OR51I1: variants seen among roughly 807,000 people sequenced by gnomAD.
OR51I1 encodes the protein olfactory receptor family 51 subfamily I member 1.
OR51I1 carries 5 observed loss-of-function variants against 6.9 expected under a neutral mutation model. That is an observed-to-expected ratio of 0.73 (90% confidence interval 0.38 to 1.52). The LOEUF is 1.52. Among genes scored for constraint, OR51I1 ranks in the 40% most tolerant of loss-of-function variants. OR51I1 has a pLI of 0.03. For synonymous variants in OR51I1, 183 were observed against 140.3 expected, an observed-to-expected ratio of 1.30 and a Z score of -2.15; for missense variants, 465 against 388.5, an observed-to-expected ratio of 1.20 and a Z score of -1.66.
Position 5,441,370 on chromosome 11 carries a change from T to A in OR51I1, c.145A>T (p.Thr49Ser), listed in dbSNP as rs138065841. The change falls in exon 1 of 1, where the codon ACT (threonine) becomes TCT (serine). Residue 49 changes from threonine to serine, a missense_variant. By Grantham distance (58) the Thr-to-Ser change is moderately conservative. Transcript: ENST00000380211. ...AGAGCAGGCTCCCAAAACACCAGAG[T>A]GAGAATGCTGAGGTTACCTACAATG... ...ISIVGNLSIL[T>S]LVFWEPALHQ... is the part of the protein sequence containing the mutation. 51 of 1,613,302 alleles carry A rather than the reference T, an allele frequency of 3.2e-5. No individual in the cohort carries two copies. The highest frequency in any genetic ancestry group is 4.2e-5 in the Non-Finnish European group (50 of 1,179,752).
rs1850678956 is a variant in OR51I1 at position 5,441,031 on chromosome 11, G to A, written c.484C>T (p.Pro162Ser). 2.5e-6 allele frequency: 4 copies of A among 1,613,934 alleles called. No individual in the cohort carries two copies. The highest frequency in any genetic ancestry group is 2.5e-6 in the Non-Finnish European group (3 of 1,179,904). Residue 162 changes from proline (P) to serine (S), a missense_variant, in exon 1 of 1, where the codon CCT becomes TCT. Coordinates refer to ENST00000380211, the MANE Select transcript of OR51I1 (RefSeq NM_001005288.3). ...TKSFTTLFPF[P>S]FVVKRLPFCK... ...AAGGGCAGTCGTTTCACCACAAAAG[G>A]GAAAGGGAAGAGAGTGGTGAAACTC...
rs149246890 is a variant in OR51I1, at chr11:5,441,465, G to A, written c.50C>T (p.Thr17Ile). 14 of 1,613,516 alleles carry A rather than the reference G, an allele frequency of 8.7e-6. No individual in the cohort carries two copies. Among genetic ancestry groups the A allele is most frequent in the Non-Finnish European group, 1.2e-5 (14 of 1,179,850 alleles). The stretch of plus-strand genomic sequence containing the variant: ...GCCTGTTTGTATCCCAGGAATGCCT[G>A]TCAGCTGGAGTGTTGCTGGCTGGAA... ...TPFQPATLQL[T>I]GIPGIQTGLT... The change falls in exon 1 of 1, where the codon ACA (threonine) becomes ATA (isoleucine). Residue 17 changes from threonine to isoleucine, a missense_variant. Physicochemically the swap from Thr to Ile is moderately conservative, Grantham distance 89. Transcript: ENST00000380211.
At position 5,440,843 on chromosome 11, in the gene OR51I1, C is replaced by T. The variant is rs758413225; in HGVS notation, c.672G>A (p.Leu224=). 2.1e-5 allele frequency: 34 copies of T among 1,613,692 alleles called. No individual in the cohort carries two copies. The highest frequency in any genetic ancestry group is 2.7e-5 in the African/African-American group (2 of 74,906). Residue 224 remains leucine (L), a synonymous_variant, in exon 1 of 1, where the codon CTG becomes CTA. Transcript: ENST00000380211. The part of the protein sequence containing the change: ...TFILLSYALI[L]RAMLVIISQE... ...GGGATATGATGACCAGCATGGCTCT[C>T]AGGATCAATGCGTAGGAAAGCAGGA... is the stretch of plus-strand genomic sequence containing the variant.
Position 5,440,916 on chromosome 11 carries a change from T to C in OR51I1, c.599A>G (p.Tyr200Cys). Reference sequence around the variant, plus strand: ...GGTAAAAATGATCACCAAGAGCCCATAAATGTTGTTAACATGGATGTCTCC... The same window carrying C: ...GGTAAAAATGATCACCAAGAGCCCACAAATGTTGTTAACATGGATGTCTCC... ...ACGDIHVNNIYGLLVIIFTYG... is the reference protein window; with the variant it reads ...ACGDIHVNNICGLLVIIFTYG... The change falls in exon 1 of 1, where the codon TAT becomes TGT. Residue 200 changes from tyrosine to cysteine, a missense_variant. Coordinates refer to ENST00000380211, the MANE Select transcript of OR51I1 (RefSeq NM_001005288.3). 1 of 1,613,824 alleles carries C rather than the reference T, an allele frequency of 6.2e-7. No homozygotes were observed. The highest frequency in any genetic ancestry group is 8.5e-7 in the Non-Finnish European group (1 of 1,179,906).
At position 5,440,866 on chromosome 11, in the gene OR51I1, G is replaced by A; in HGVS notation, c.649C>T (p.Leu217=). Residue 217 remains leucine (L), a synonymous_variant, in exon 1 of 1, where the codon CTG becomes TTG. Coordinates refer to ENST00000380211, the MANE Select transcript of OR51I1 (RefSeq NM_001005288.3). ...CTCAGGATCAATGCGTAGGAAAGCA[G>A]GATGAAAGTTGAGTCCATACCATAG... The part of the protein sequence containing the change: ...FTYGMDSTFI[L]LSYALILRAM... The A allele has an allele frequency of 1.9e-6, 3 of 1,613,804 alleles. No individual in the cohort carries two copies. The highest frequency in any genetic ancestry group is 2.5e-6 in the Non-Finnish European group (3 of 1,179,908).
rs200872309 is a variant in OR51I1, at chr11:5,440,965, G to A, written c.550C>T (p.Pro184Ser). Residue 184 changes from proline (P) to serine (S), a missense_variant, in exon 1 of 1, where the codon CCA (proline) becomes TCA (serine). Coordinates refer to ENST00000380211, the MANE Select transcript of OR51I1 (RefSeq NM_001005288.3). ...NVLHHSYCLHPDLMKVACGDI... is the reference protein window; with the variant it reads ...NVLHHSYCLHSDLMKVACGDI... The stretch of plus-strand genomic sequence containing the variant: ...CCACATGCTACTTTCATGAGATCTG[G>A]ATGGAGACAGTAGGAGTGATGCAAA... 2 of 1,613,842 alleles carry A rather than the reference G, an allele frequency of 1.2e-6. No individual in the cohort carries two copies. The highest frequency in any genetic ancestry group is 2.7e-5 in the African/African-American group (2 of 74,914).
rs766969914 is a variant in OR51I1 at position 5,441,177 on chromosome 11, T to A, written c.338A>T (p.Glu113Val). ...GCTCATGGCCAGCAGTATGCCTGAC[T>A]CCATGAAGGAGAAAGTGTGGATGAA... The part of the protein sequence containing the change: ...MFFIHTFSFM[E>V]SGILLAMSLD... Residue 113 changes from glutamate (E) to valine (V), a missense_variant, in exon 1 of 1, where the codon GAG becomes GTG. Transcript: ENST00000380211. 1.9e-6 allele frequency: 3 copies of A among 1,613,800 alleles called. No individual in the cohort carries two copies. The highest frequency in any genetic ancestry group is 4.5e-5 in the East Asian group (2 of 44,880).
At position 5,440,590 on chromosome 11, in the gene OR51I1, A is replaced by C. The variant is rs199606552; in HGVS notation, c.925T>G (p.Phe309Val). The change falls in exon 1 of 1, where the codon TTC becomes GTC. Residue 309 changes from phenylalanine (F) to valine (V), a missense_variant. Phe to Val is a conservative substitution (Grantham distance 50, BLOSUM62 -1). Coordinates refer to ENST00000380211, the MANE Select transcript of OR51I1 (RefSeq NM_001005288.3). ...CTTCCTCAGGCCTGGGATTTATGGA[A>C]GAACTTGAGAATCCCTTTGCGGATC... ...KEIRKGILKFFHKSQA is the reference protein window; with the variant it reads ...KEIRKGILKFVHKSQA 2.0e-5 allele frequency: 32 copies of C among 1,612,868 alleles called. No homozygotes were observed. The South Asian group carries it at 2.5e-4, about 13-fold the overall frequency.
chr11:5,441,507 C>A lies in OR51I1; in HGVS notation c.8G>T (p.Gly3Val), dbSNP rs141696927. Reference protein sequence around the residue: MLGLNGTPFQPAT... With the variant: MLVLNGTPFQPAT... ...TGGCTGGAAGGGGGTGCCATTGAGACCCAGCATGGTGGGAGAATATAGATA... is the reference window on the plus strand; with the variant it reads ...TGGCTGGAAGGGGGTGCCATTGAGAACCAGCATGGTGGGAGAATATAGATA... Residue 3 changes from glycine to valine, a missense_variant, in exon 1 of 1, where the codon GGT becomes GTT. Gly to Val is a moderately radical substitution (Grantham distance 109). Transcript: ENST00000380211. 15 of 1,610,216 alleles carry A rather than the reference C, an allele frequency of 9.3e-6. No homozygotes were observed. The African/African-American group carries it at 2.0e-4, about 22-fold the overall frequency.
In OR51I1 at chr11:5,440,965, G is replaced by C. The variant is rs200872309; in HGVS notation, c.550C>G (p.Pro184Ala). 3.9e-4 allele frequency: 634 copies of C among 1,613,960 alleles called. No individual in the cohort carries two copies. Among genetic ancestry groups the C allele is most frequent in the Non-Finnish European group, 3.9e-4 (465 of 1,179,958 alleles). Residue 184 changes from proline (P) to alanine (A), a missense_variant, in exon 1 of 1, where the codon CCA becomes GCA. Pro to Ala is a conservative substitution (Grantham distance 27, BLOSUM62 -1). Transcript: ENST00000380211. ...NVLHHSYCLH[P>A]DLMKVACGDI... ...CCACATGCTACTTTCATGAGATCTG[G>C]ATGGAGACAGTAGGAGTGATGCAAA...
At position 5,440,983 on chromosome 11, in the gene OR51I1, G is replaced by A; in HGVS notation, c.532C>T (p.His178Tyr). 1 of 1,614,002 alleles carries A rather than the reference G, an allele frequency of 6.2e-7. No individual in the cohort carries two copies. Among genetic ancestry groups the A allele is most frequent in the Non-Finnish European group, 8.5e-7 (1 of 1,179,958 alleles). The change falls in exon 1 of 1, where the codon CAC becomes TAC. Residue 178 changes from histidine to tyrosine, a missense_variant. By Grantham distance (83) the His-to-Tyr change is moderately conservative. Coordinates refer to ENST00000380211, the MANE Select transcript of OR51I1 (RefSeq NM_001005288.3). ...LPFCKGNVLH[H>Y]SYCLHPDLMK... ...AGATCTGGATGGAGACAGTAGGAGTGATGCAAAACATTGCCTTTGCAGAAG... is the reference window on the plus strand; with the variant it reads ...AGATCTGGATGGAGACAGTAGGAGTAATGCAAAACATTGCCTTTGCAGAAG...
At position 5,440,827 on chromosome 11, in the gene OR51I1, T is replaced by C. The variant is rs773910246; in HGVS notation, c.688A>G (p.Ile230Val). ...TTGAGCCGCTGTTCCTGGGATATGA[T>C]GACCAGCATGGCTCTCAGGATCAAT... ...YALILRAMLV[I>V]ISQEQRLKAL... is the part of the protein sequence containing the mutation. Residue 230 changes from isoleucine to valine, a missense_variant, in exon 1 of 1, where the codon ATC becomes GTC. By Grantham distance (29) the Ile-to-Val change is conservative (BLOSUM62 3). Coordinates refer to ENST00000380211, the MANE Select transcript of OR51I1 (RefSeq NM_001005288.3). 12 of 1,613,742 alleles carry C rather than the reference T, an allele frequency of 7.4e-6. 1 individual carries two copies. The South Asian group carries it at 1.3e-4, about 18-fold the overall frequency.
At position 5,440,786 on chromosome 11, in the gene OR51I1, G is replaced by T. The variant is rs950041185; in HGVS notation, c.729C>A (p.Cys243Ter). 4 of 1,613,954 alleles carry T rather than the reference G, an allele frequency of 2.5e-6. No homozygotes were observed. Among genetic ancestry groups the T allele is most frequent in the Non-Finnish European group, 3.4e-6 (4 of 1,179,934 alleles). ...CCAGCACTGCACAGATGTGTGACATGCAGGTGTTGAGTGCCTTGAGCCGCT... is the reference window on the plus strand; with the variant it reads ...CCAGCACTGCACAGATGTGTGACATTCAGGTGTTGAGTGCCTTGAGCCGCT... Reference protein sequence around the residue: ...QEQRLKALNTCMSHICAVLAF... With the variant: ...QEQRLKALNT The change falls in exon 1 of 1, where the codon TGC (cysteine) becomes TGA (stop). Residue 243 changes from cysteine (C) to a stop codon, truncating the protein, a stop_gained. Transcript: ENST00000380211. LOFTEE classifies it high-confidence loss of function.
Position 5,441,230 on chromosome 11 carries a change from C to G in OR51I1, c.285G>C (p.Ala95=), listed in dbSNP as rs369050870. 3 of 1,613,930 alleles carry G rather than the reference C, an allele frequency of 1.9e-6. No homozygotes were observed. The Admixed American group carries it at 5.0e-5, about 27-fold the overall frequency. Residue 95 remains alanine, a synonymous_variant, in exon 1 of 1, where the codon GCG becomes GCC. Transcript: ENST00000380211. ...STFCFNYNHV[A]FNACLVQMFF... is the part of the protein sequence containing the mutation. ...ACATCTGGACCAGGCAAGCATTAAA[C>G]GCAACATGGTTGTAGTTGAAGCAGA...
rs751302149 is a variant in OR51I1 at position 5,441,432 on chromosome 11, C to T, written c.83G>A (p.Trp28Ter). The change falls in exon 1 of 1, where the codon TGG (tryptophan) becomes TAG (stop). Residue 28 changes from tryptophan (W) to a stop codon, truncating the protein, a stop_gained. Coordinates refer to ENST00000380211, the MANE Select transcript of OR51I1 (RefSeq NM_001005288.3). LOFTEE classifies it high-confidence loss of function. ...GAGGATGCAGAAAATCAGGGCAACC[C>T]AGGTGAGGCCTGTTTGTATCCCAGG... ...GIPGIQTGLTWVALIFCILYM... is the reference protein window; with the variant it reads ...GIPGIQTGLT 6.2e-7 allele frequency: 1 copy of T among 1,613,796 alleles called. No homozygotes were observed. Among genetic ancestry groups the T allele is most frequent in the Admixed American group, 1.7e-5 (1 of 59,958 alleles).
In OR51I1 at chr11:5,441,498, C is replaced by T. The variant is rs1187630456; in HGVS notation, c.17G>A (p.Gly6Asp). Reference protein sequence around the residue: MLGLNGTPFQPATLQL... With the variant: MLGLNDTPFQPATLQL... The stretch of plus-strand genomic sequence containing the variant: ...GAGTGTTGCTGGCTGGAAGGGGGTG[C>T]CATTGAGACCCAGCATGGTGGGAGA... The change falls in exon 1 of 1, where the codon GGC (glycine) becomes GAC (aspartate). Residue 6 changes from glycine to aspartate, a missense_variant. By Grantham distance (94) the Gly-to-Asp change is moderately conservative. Transcript: ENST00000380211. 1.2e-6 allele frequency: 2 copies of T among 1,611,154 alleles called. No individual in the cohort carries two copies. The highest frequency in any genetic ancestry group is 1.7e-6 in the Non-Finnish European group (2 of 1,179,506).
chr11:5,440,933 G>A lies in OR51I1; in HGVS notation c.582C>T (p.Ile194=). 6.2e-7 allele frequency: 1 copy of A among 1,613,908 alleles called. No homozygotes were observed. Among genetic ancestry groups the A allele is most frequent in the African/African-American group, 1.3e-5 (1 of 75,040 alleles). The part of the protein sequence containing the change: ...PDLMKVACGD[I]HVNNIYGLLV... ...AGAGCCCATAAATGTTGTTAACATGGATGTCTCCACATGCTACTTTCATGA... is the reference window on the plus strand; with the variant it reads ...AGAGCCCATAAATGTTGTTAACATGAATGTCTCCACATGCTACTTTCATGA... The change falls in exon 1 of 1, where the codon ATC becomes ATT. Residue 194 remains isoleucine, a synonymous_variant. Coordinates refer to ENST00000380211, the MANE Select transcript of OR51I1 (RefSeq NM_001005288.3).
Position 5,441,474 on chromosome 11 carries a change from AGT to A in OR51I1, c.39_40del (p.Leu14ProfsTer30). 2 of 1,613,242 alleles carry A rather than the reference AGT, an allele frequency of 1.2e-6. No individual in the cohort carries two copies. Among genetic ancestry groups the A allele is most frequent in the Non-Finnish European group, 1.7e-6 (2 of 1,179,816 alleles). On this transcript the variant is annotated frameshift_variant, in exon 1 of 1. Transcript: ENST00000380211. LOFTEE classifies it high-confidence loss of function. ...TATCCCAGGAATGCCTGTCAGCTGGAGTGTTGCTGGCTGGAAGGGGGTGCCAT... is the reference window on the plus strand; with the variant it reads ...TATCCCAGGAATGCCTGTCAGCTGGAGTTGCTGGCTGGAAGGGGGTGCCAT...
In OR51I1 at chr11:5,440,604, C is replaced by G. The variant is rs77336780; in HGVS notation, c.911G>C (p.Gly304Ala). The stretch of plus-strand genomic sequence containing the variant: ...GGATTTATGGAAGAACTTGAGAATC[C>G]CTTTGCGGATCTCCTTGGTTTTCAC... ...YSVKTKEIRK[G>A]ILKFFHKSQA The change falls in exon 1 of 1, where the codon GGG (glycine) becomes GCG (alanine). Residue 304 changes from glycine to alanine, a missense_variant. By Grantham distance (60) the Gly-to-Ala change is moderately conservative (BLOSUM62 0). Coordinates refer to ENST00000380211, the MANE Select transcript of OR51I1 (RefSeq NM_001005288.3). The G allele has an allele frequency of 0.055, 89,073 of 1,613,394 alleles. 3,416 individuals are homozygous for G. The highest frequency in any genetic ancestry group is 0.17 in the East Asian group (7,438 of 44,846).
Sources: gnomAD v4.1 joint callset for allele counts on GRCh38, gnomAD v4.1.1 for gene constraint, MANE v1.5 for transcripts, NCBI Gene and HGNC (gene_info 2026-07-23, HGNC 2026-07-21) for gene names.